The following TPTE2 variants were observed in gnomAD, a reference collection of about 807,000 sequenced individuals.
The protein encoded by TPTE2 is transmembrane phosphoinositide 3-phosphatase and tensin homolog 2, also known as phosphatidylinositol 3,4,5-trisphosphate 3-phosphatase TPTE2.
Under a neutral mutation model 78.6 loss-of-function variants are expected in TPTE2, and 53 were observed. The ratio of observed to expected loss-of-function variants is 0.67; its 90% CI spans 0.54 to 0.85. The LOEUF (loss-of-function observed/expected upper bound fraction) is 0.85. Ranked by LOEUF, TPTE2 falls within the 40% of genes least tolerant of loss-of-function variation. The probability of loss-of-function intolerance (pLI) is 0.00; values close to 1 mark genes in which losing one functional copy is unlikely to be tolerated. For synonymous variants in TPTE2, 175 were observed against 206.2 expected (o/e 0.85, Z 1.30); for missense variants, 461 against 623.0 (o/e 0.74, Z 2.77).
At chr13:19,434,023 A>ACG (rs1400162389) in intron 15 of TPTE2, among the ~76,000 whole-genome samples, 1 of 152,178 alleles carries the variant, frequency 6.6e-6, no homozygotes, top group Non-Finnish European at 1.5e-5. Context: ...TTGTGCTCCC[A>ACG]CGCTTCCTTC....
intron 14 of TPTE2, 62 bp downstream of exon 17, chr13:19,438,030 G>A (rs374464694): frequency 2.5e-4 from 388 of 1,570,800 alleles, no homozygotes; most frequent in Non-Finnish European, 3.1e-4. Context: ...TCCTACCAGC[G>A]ATCTTTCAGA....
At chr13:19,498,583 C>G (rs1881545703) in intron 1 of TPTE2, among the ~76,000 whole-genome samples, 2 of 151,842 alleles carry the variant, frequency 1.3e-5, no homozygotes, top group Admixed American at 1.3e-4. Context: ...AAATACTTTA[C>G]AGACAAGCAA....
At chr13:19,536,156 T>C (rs1871200741) in intron 1 of TPTE2, among the ~76,000 whole-genome samples, 2 of 151,066 alleles carry the variant, frequency 1.3e-5, no homozygotes, top group African/African-American at 2.4e-5. Flanking sequence ...GCTCTTTGTT[T>C]GCTTGTTTTT....
In TPTE2 at chr13:19,535,006, C is replaced by A. The variant is rs999280437; in HGVS notation, c.-44+1590G>T. ...ATCACTTGAGGTCAGGAGTTCGAGA[C>A]CAGCCTGGCCAACATCGTGAAGCCC... On this transcript the variant is annotated intron_variant, in intron 1 of 17. Coordinates refer to the TPTE2 transcript ENST00000390680. This position sits in a 1 kb window ranked among gnomAD's most constrained non-coding sequence, Gnocchi z 5.1. 6.6e-5 allele frequency among the ~76,000 whole-genome samples: 10 copies of A among 152,166 alleles called. No individual in the cohort carries two copies. The highest frequency in any genetic ancestry group is 2.2e-4 in the African/African-American group (9 of 41,514).
chr13:19,546,495 T>C, the TPTE2 span, among the ~76,000 whole-genome samples: 1 of 138,094 alleles, frequency 7.2e-6, no homozygotes, highest in Non-Finnish European at 1.6e-5. Flanking sequence ...TTTTTTTTTT[T>C]TTTTTTTTTT....
At chr13:19,556,644 A>G in the TPTE2 span, among the ~76,000 whole-genome samples, 1 of 151,830 alleles carries the variant, frequency 6.6e-6, no homozygotes, top group East Asian at 1.9e-4. Context: ...TGCCACCTCA[A>G]CCTCCCAAGT....
At chr13:19,472,500 CTTGA>C (rs1363369721) in intron 6 of TPTE2, among the ~76,000 whole-genome samples, 3 of 152,276 alleles carry the variant, frequency 2.0e-5, no homozygotes, top group South Asian at 2.1e-4. Context: ...AGAATTTCTG[CTTGA>C]TTCTTTTAAA....
intron 3 of TPTE2, among the ~76,000 whole-genome samples, chr13:19,491,947 G>T (rs1031101804): frequency 6.6e-6 from 1 of 152,054 alleles, no homozygotes; most frequent in African/African-American, 2.4e-5. Flanking sequence ...AAACTCACAT[G>T]CTATTGCTTA....
the TPTE2 span, among the ~76,000 whole-genome samples, chr13:19,542,517 G>A: frequency 6.6e-6 from 1 of 151,982 alleles, no homozygotes; most frequent in African/African-American, 2.4e-5. Flanking sequence ...ACATTTCATT[G>A]TATTTCCCTT....
chr13:19,533,867 G>C (rs1019044911), intron 1 of TPTE2, among the ~76,000 whole-genome samples: 4 of 152,180 alleles, frequency 2.6e-5, no homozygotes, highest in Non-Finnish European at 5.9e-5. Flanking sequence ...GTTTCTCTTT[G>C]CTTCCTTGCC....
intron 13 of TPTE2, among the ~76,000 whole-genome samples, chr13:19,449,510 A>G (rs1407933918): frequency 6.6e-6 from 1 of 152,210 alleles, no homozygotes; most frequent in Non-Finnish European, 1.5e-5. Context: ...TTTATTGTAC[A>G]ACATAGTGAC....
At chr13:19,531,941 A>T (rs986469465) in intron 1 of TPTE2, among the ~76,000 whole-genome samples, 1 of 152,172 alleles carries the variant, frequency 6.6e-6, no homozygotes, top group Non-Finnish European at 1.5e-5. Flanking sequence ...AAAGAAAAAA[A>T]AGTAGAGGAT....
chr13:19,470,186 T>C (rs1461349104), intron 6 of TPTE2, among the ~76,000 whole-genome samples: 1 of 152,238 alleles, frequency 6.6e-6, no homozygotes, highest in Non-Finnish European at 1.5e-5. Context: ...GTTTTTATTA[T>C]GTTTAGGTGT....
At chr13:19,504,518 G>C, upstream of TPTE2, among the ~76,000 whole-genome samples, 1 of 151,998 alleles carries the variant, frequency 6.6e-6, no homozygotes, top group Non-Finnish European at 1.5e-5. Context: ...GGGCTCCACT[G>C]CTCCCTGTCC....
chr13:19,519,723 C>T (rs1870035296), intron 1 of TPTE2, among the ~76,000 whole-genome samples: 1 of 152,096 alleles, frequency 6.6e-6, no homozygotes, highest in Non-Finnish European at 1.5e-5. Flanking sequence ...GACTCTGCAA[C>T]TTCACTGTTC....
chr13:19,478,053 A>G (rs972550821), intron 4 of TPTE2, among the ~76,000 whole-genome samples: 1 of 152,238 alleles, frequency 6.6e-6, no homozygotes, highest in Non-Finnish European at 1.5e-5. Flanking sequence ...AAGATGGTAA[A>G]TAATATAAAC....
the TPTE2 span, among the ~76,000 whole-genome samples, chr13:19,554,590 G>A: frequency 6.6e-6 from 1 of 151,494 alleles, no homozygotes; most frequent in South Asian, 2.1e-4. Context: ...TTACACTTTT[G>A]TACATATCTG....
intron 1 of TPTE2, among the ~76,000 whole-genome samples, chr13:19,522,036 C>A (rs1870181702): frequency 6.6e-6 from 1 of 152,046 alleles, no homozygotes; most frequent in African/African-American, 2.4e-5. Flanking sequence ...GTTTTGTTTA[C>A]CGAGGAATGT....
At chr13:19,478,318 AAAAC>A (rs1566057686) in intron 4 of TPTE2, among the ~76,000 whole-genome samples, 1 of 152,164 alleles carries the variant, frequency 6.6e-6, no homozygotes, top group Non-Finnish European at 1.5e-5. Context: ...TTACAAGAAA[AAAAC>A]AAACAACCCC....
Sources: allele counts gnomAD v4.1 joint callset (sites outside exome capture counted in the v4.1 genomes callset), GRCh38; gene constraint gnomAD v4.1.1; non-coding constraint Gnocchi (gnomAD v3.1); transcripts MANE v1.5; gene names NCBI Gene and HGNC (gene_info 2026-07-23, HGNC 2026-07-21).